SHISA9: variants seen among roughly 807,000 people sequenced by gnomAD.
SHISA9 encodes the protein protein shisa-9.
In SHISA9, 13 loss-of-function variants were observed where a neutral mutation model predicts 38.0. The observed-to-expected ratio is 0.34, with a 90% CI of 0.22 to 0.54. SHISA9 has a LOEUF of 0.54. Ranked by LOEUF, SHISA9 falls within the 20% of genes least tolerant of loss-of-function variation. The probability of loss-of-function intolerance (pLI) is 0.91; values close to 1 mark genes in which losing one functional copy is unlikely to be tolerated. For missense variants in SHISA9, 538 were observed against 575.8 expected (o/e 0.93, Z 0.67); for synonymous variants, 275 against 242.0 (o/e 1.14, Z -1.27).
chr16:13,039,568 A>G (rs2073111421), intron 2 of SHISA9, among the ~76,000 whole-genome samples: 1 of 151,532 alleles, frequency 6.6e-6, no homozygotes. Context: ...AGAGAAACAC[A>G]GAGTATAATA....
At chr16:13,515,381 A>G in the SHISA9 span, among the ~76,000 whole-genome samples, 1 of 152,226 alleles carries the variant, frequency 6.6e-6, no homozygotes, top group African/African-American at 2.4e-5. Context: ...AATGGTAACT[A>G]CATGGTGTAT....
At chr16:13,388,892 A>T in the SHISA9 span, among the ~76,000 whole-genome samples, 1 of 152,180 alleles carries the variant, frequency 6.6e-6, no homozygotes, top group Non-Finnish European at 1.5e-5. Context: ...AGTCTTTAAT[A>T]CAGAGAACCT....
chr16:13,209,535 A>G (rs115943744), intron 3 of SHISA9, among the ~76,000 whole-genome samples: 108 of 152,320 alleles, frequency 7.1e-4, no homozygotes, highest in African/African-American at 2.5e-3. Context: ...GCCATCAGAG[A>G]AATATTCTGT....
At chr16:13,561,293 A>C in the SHISA9 span, among the ~76,000 whole-genome samples, 2 of 152,202 alleles carry the variant, frequency 1.3e-5, no homozygotes, top group African/African-American at 4.8e-5. Flanking sequence ...CTTTGAGAGA[A>C]TCAGTGGTCT....
At chr16:13,334,915 G>A in the SHISA9 span, among the ~76,000 whole-genome samples, 15 of 152,172 alleles carry the variant, frequency 9.9e-5, no homozygotes, top group Admixed American at 3.9e-4. Context: ...ACCCACCCAC[G>A]CCTCCTGGAG....
At chr16:12,955,126 A>G (rs73514799) in intron 2 of SHISA9, among the ~76,000 whole-genome samples, 18,110 of 151,774 alleles carry the variant, frequency 0.12, 1,385 homozygotes, top group African/African-American at 0.22. Context: ...GCCTCCTTCT[A>G]CATCTTTAAC....
At chr16:13,106,988 C>CTCTCTCTA (rs1555462298) in intron 2 of SHISA9, among the ~76,000 whole-genome samples, 20 of 151,706 alleles carry the variant, frequency 1.3e-4, no homozygotes, top group Non-Finnish European at 2.1e-4. Flanking sequence ...CTCTCTCTCT[C>CTCTCTCTA]TCTCTCTCTC....
chr16:12,986,293 C>A (rs2072307839), intron 2 of SHISA9, among the ~76,000 whole-genome samples: 1 of 152,122 alleles, frequency 6.6e-6, no homozygotes, highest in Admixed American at 6.5e-5. Context: ...TTCTTTTCCT[C>A]TTTCCTTCCT....
chr16:13,058,009 C>T (rs961266281), intron 2 of SHISA9, among the ~76,000 whole-genome samples: 22 of 152,132 alleles, frequency 1.4e-4, no homozygotes, highest in African/African-American at 5.3e-4. Context: ...GTATAATATT[C>T]CATGGTGAAT....
At chr16:12,903,486 T>C (rs1464476352) in intron 1 of SHISA9, among the ~76,000 whole-genome samples, 2 of 151,012 alleles carry the variant, frequency 1.3e-5, no homozygotes, top group Non-Finnish European at 2.9e-5. Context: ...CTTTGGGGGA[T>C]TAATGGAGCT....
the SHISA9 span, among the ~76,000 whole-genome samples, chr16:13,419,928 T>G: frequency 6.6e-6 from 1 of 152,068 alleles, no homozygotes; most frequent in Non-Finnish European, 1.5e-5. Flanking sequence ...CGTTAATCAC[T>G]GTGAATAAGA....
At chr16:13,450,270 G>A in the SHISA9 span, among the ~76,000 whole-genome samples, 1 of 152,246 alleles carries the variant, frequency 6.6e-6, no homozygotes, top group African/African-American at 2.4e-5. Context: ...TACCTCGTAG[G>A]GTTATATTGT....
chr16:13,268,180 G>A, the SHISA9 span, among the ~76,000 whole-genome samples: 1 of 152,066 alleles, frequency 6.6e-6, no homozygotes, highest in African/African-American at 2.4e-5. Flanking sequence ...GGGGGCCAGG[G>A]AGATGTTTGG....
At chr16:13,111,368 CA>C (rs2073976629) in intron 2 of SHISA9, among the ~76,000 whole-genome samples, 4 of 145,794 alleles carry the variant, frequency 2.7e-5, no homozygotes, top group Non-Finnish European at 6.0e-5. Flanking sequence ...AACCCAAAAA[CA>C]AAAAAACAGC....
intron 2 of SHISA9, among the ~76,000 whole-genome samples, chr16:13,167,352 G>A (rs963570802): frequency 5.3e-5 from 8 of 152,222 alleles, no homozygotes; most frequent in African/African-American, 9.6e-5. Flanking sequence ...GATCACAGGC[G>A]TGAGCCAGTG....
At chr16:13,095,932 G>C in intron 2 of SHISA9, among the ~76,000 whole-genome samples, 1 of 152,322 alleles carries the variant, frequency 6.6e-6, no homozygotes. Flanking sequence ...GGCAGGGCCC[G>C]AGAATTTCCA....
At chr16:12,922,022 T>G (rs192110087) in intron 2 of SHISA9, among the ~76,000 whole-genome samples, 3 of 152,320 alleles carry the variant, frequency 2.0e-5, no homozygotes, top group Admixed American at 2.0e-4. Context: ...AAAGTTTGTA[T>G]AGCTACTTAG....
intron 2 of SHISA9, among the ~76,000 whole-genome samples, chr16:13,119,194 A>G (rs529322627): frequency 2.7e-4 from 41 of 152,232 alleles, no homozygotes; most frequent in Non-Finnish European, 1.5e-5. Flanking sequence ...TATCTCATTT[A>G]AGCTTCTCCC....
Position 12,957,941 on chromosome 16 carries a change from A to G in SHISA9, c.691+41126A>G, listed in dbSNP as rs1305361818. 3.3e-5 allele frequency among the ~76,000 whole-genome samples: 5 copies of G among 152,306 alleles called. No individual in the cohort carries two copies. The South Asian group carries it at 8.3e-4, about 25-fold the overall frequency. ...CCAGCAAGGGGGCTCGACTTTCAAG[A>G]CCTTATTTAAGCCTAATGACCTCCC... is the stretch of plus-strand genomic sequence containing the variant. On this transcript the variant is annotated intron_variant, in intron 2 of 4. Coordinates refer to ENST00000558583, the MANE Select transcript of SHISA9 (RefSeq NM_001145204.3).
Sources: allele counts gnomAD v4.1 joint callset (sites outside exome capture counted in the v4.1 genomes callset), GRCh38; gene constraint gnomAD v4.1.1; transcripts MANE v1.5; gene names NCBI Gene and HGNC (gene_info 2026-07-23, HGNC 2026-07-21).